Variants in MTO1 observed in about 807,000 individuals in gnomAD.
The protein encoded by MTO1 is 5-taurinomethyluridine-[tRNA] synthase subunit MTO1, mitochondrial.
MTO1 carries 46 observed loss-of-function variants against 71.6 expected under a neutral mutation model. The observed-to-expected ratio is 0.64, with a 90% CI of 0.51 to 0.82. The LOEUF (loss-of-function observed/expected upper bound fraction) is 0.82, where lower values mean the gene tolerates loss of function less well. MTO1 is among the 40% of genes least tolerant of loss of function. The pLI is 0.00. For missense variants in MTO1, 773 were observed against 867.5 expected, an observed-to-expected ratio of 0.89 and a Z score of 1.37; for synonymous variants, 297 against 312.1, an observed-to-expected ratio of 0.95 and a Z score of 0.51.
Position 73,492,371 on chromosome 6 carries a change from C to T in MTO1, c.1756+19C>T, listed in dbSNP as rs763838126. 1 of 1,468,790 alleles carries T rather than the reference C, an allele frequency of 6.8e-7. No homozygotes were observed. Among genetic ancestry groups the T allele is most frequent in the Admixed American group, 1.7e-5 (1 of 59,596 alleles). The allele number at this position is 1,468,790 out of a possible 1,614,324, so 91.0% of individuals were successfully genotyped here. A position where few individuals can be genotyped will look rare whatever the true frequency, so the allele number is the denominator to read the frequency against. On this transcript the variant is annotated intron_variant, in intron 10 of 11. Coordinates refer to ENST00000498286, the MANE Select transcript of MTO1 (RefSeq NM_012123.4). The stretch of plus-strand genomic sequence containing the variant: ...ATAGAAGGTAGAAAATAATTTTTGA[C>T]TTAACATACCTTTATCATATGTGCA...
intron 4 of MTO1, among the ~76,000 whole-genome samples, chr6:73,474,412 T>A (rs147729536): frequency 7.6e-4 from 115 of 152,278 alleles, no homozygotes; most frequent in African/African-American, 2.7e-3. Flanking sequence ...AGGGATTAGC[T>A]AACTTGGCTA....
chr6:73,486,634 A>G, intron 9 of MTO1: 1 of 429,390 alleles, frequency 2.3e-6, no homozygotes. Flanking sequence ...GCTACTTGGG[A>G]GGCAGAGGCA....
intron 9 of MTO1, chr6:73,492,023 AC>A (rs1201601959): frequency 1.5e-5 from 6 of 403,972 alleles, no homozygotes; most frequent in African/African-American, 4.1e-5. Context: ...AATTGCTTGA[AC>A]CCAGCAGGTG....
intron 9 of MTO1, among the ~76,000 whole-genome samples, chr6:73,491,408 AAAAAAG>A (rs1771800583): frequency 2.0e-5 from 3 of 151,832 alleles, no homozygotes; most frequent in African/African-American, 4.8e-5. Context: ...AAAAAAAAAA[AAAAAAG>A]AAGAAGAAGA....
intron 9 of MTO1, among the ~76,000 whole-genome samples, chr6:73,489,997 G>A (rs1771759812): frequency 6.6e-6 from 1 of 152,248 alleles, no homozygotes; most frequent in South Asian, 2.1e-4. Context: ...GGTGTGAGAT[G>A]GTATCTCATT....
At chr6:73,482,674 A>C (rs1561947482) in intron 9 of MTO1, 54 bp downstream of exon 9, 3 of 1,444,754 alleles carry the variant, frequency 2.1e-6, no homozygotes, top group Non-Finnish European at 2.8e-6. Context: ...ATAAGATCAT[A>C]AGATCATTTC....
chr6:73,462,259 A>G (rs1337213754), intron 1 of MTO1, 188 bp downstream of exon 1: 7 of 631,058 alleles, frequency 1.1e-5, no homozygotes, highest in Non-Finnish European at 1.9e-5. Flanking sequence ...ATATTAGTCT[A>G]TTCTGCGAAC....
chr6:73,479,303 T>C lies in MTO1; in HGVS notation c.826-429T>C, dbSNP rs1411330175. Among the ~76,000 whole-genome samples, 3 of 150,912 alleles carry C rather than the reference T, an allele frequency of 2.0e-5. No individual in the cohort carries two copies. The East Asian group carries it at 6.2e-4, about 31-fold the overall frequency. ...TGAGGTCAAGAGTTCGAGACCAGCCTGGCCAACATGGTGAAACTCTGTCTC... is the reference window on the plus strand; with the variant it reads ...TGAGGTCAAGAGTTCGAGACCAGCCCGGCCAACATGGTGAAACTCTGTCTC... On this transcript the variant is annotated intron_variant, in intron 4 of 11. Coordinates refer to ENST00000498286, the MANE Select transcript of MTO1 (RefSeq NM_012123.4).
In MTO1 at chr6:73,471,161, A is replaced by T. The variant is rs565825314; in HGVS notation, c.536-2204A>T. On this transcript the variant is annotated intron_variant, in intron 3 of 11. Transcript: ENST00000498286. ...ACACTGTTCCTCTGTACCTTTTTTT[A>T]AAAAAAAAACTTAATCTGTGTTTGC... Among the ~76,000 whole-genome samples, 93 of 147,394 alleles carry T rather than the reference A, an allele frequency of 6.3e-4. 3 individuals are homozygous for T. The South Asian group carries it at 0.012, about 18-fold the overall frequency.
At chr6:73,468,972 TTAAG>T (rs1771072691) in intron 3 of MTO1, among the ~76,000 whole-genome samples, 1 of 151,978 alleles carries the variant, frequency 6.6e-6, no homozygotes. Flanking sequence ...ACAACTTCCT[TTAAG>T]TATCTAGCGA....
chr6:73,491,662 A>T (rs1771810090), intron 9 of MTO1, among the ~76,000 whole-genome samples: 2 of 152,180 alleles, frequency 1.3e-5, no homozygotes, highest in African/African-American at 4.8e-5. Context: ...TTGTTATGAG[A>T]TGATATTCTA....
At chr6:73,476,790 A>ATT (rs879559677) in intron 4 of MTO1, among the ~76,000 whole-genome samples, 19 of 142,924 alleles carry the variant, frequency 1.3e-4, no homozygotes, top group African/African-American at 3.3e-4. Flanking sequence ...TAAAATTTAA[A>ATT]TTTTTTTTTT....
rs935181583 is a variant in MTO1, at chr6:73,480,810, GAAGTT to G, written c.1260+9_1260+13del. On this transcript the variant is annotated splice_donor_region_variant and intron_variant, in intron 7 of 11. Transcript: ENST00000498286. ...TATGAGGAAGCTGCAGCTCAAGTAA[GAAGTT>G]AAGATATTAATGTAAACTGAAAGGG... 7 of 1,613,524 alleles carry G rather than the reference GAAGTT, an allele frequency of 4.3e-6. No individual in the cohort carries two copies. Among genetic ancestry groups the G allele is most frequent in the African/African-American group, 1.3e-5 (1 of 74,876 alleles).
Position 73,479,674 on chromosome 6 carries a change from A to G in MTO1, c.826-58A>G, listed in dbSNP as rs542372204. On this transcript the variant is annotated intron_variant, in intron 4 of 11. Transcript: ENST00000498286. ...TACGTATCATGTGGAATTTATTTGGATAAGAGAGAAACTAGTAGATAAGCA... is the reference window on the plus strand; with the variant it reads ...TACGTATCATGTGGAATTTATTTGGGTAAGAGAGAAACTAGTAGATAAGCA... 24 of 1,367,964 alleles carry G rather than the reference A, an allele frequency of 1.8e-5. No individual in the cohort carries two copies. In the South Asian group the frequency reaches 2.9e-4, roughly 17 times the overall value. The allele number at this position is 1,367,964 out of a possible 1,614,324, so 84.7% of individuals were successfully genotyped here.
intron 3 of MTO1, chr6:73,471,605 TG>T (rs1170690031): frequency 9.9e-6 from 3 of 304,308 alleles, no homozygotes; most frequent in Non-Finnish European, 1.9e-5. Flanking sequence ...TTTGTAGAGA[TG>T]GGGGTCTCAC....
At chr6:73,462,286 G>A (rs941623349) in intron 1 of MTO1, 5 of 597,898 alleles carry the variant, frequency 8.4e-6, no homozygotes, top group Admixed American at 6.1e-5. Context: ...TTATGCTGCT[G>A]CTGACAGTCG....
At chr6:73,499,163 T>C (rs1772085006) in intron 11 of MTO1, among the ~76,000 whole-genome samples, 1 of 152,108 alleles carries the variant, frequency 6.6e-6, no homozygotes, top group Non-Finnish European at 1.5e-5. Flanking sequence ...AAACTATTTT[T>C]ACAGGGAGGA....
At chr6:73,478,641 C>T (rs1771400150) in intron 4 of MTO1, among the ~76,000 whole-genome samples, 2 of 152,064 alleles carry the variant, frequency 1.3e-5, no homozygotes, top group African/African-American at 2.4e-5. Flanking sequence ...TGGGTTCAAG[C>T]GATTCTCCTG....
intron 9 of MTO1, among the ~76,000 whole-genome samples, 169 bp downstream of exon 9, chr6:73,482,789 C>CTTTTTTTTTTTTTTTTT (rs35121302): frequency 1.1e-4 from 10 of 92,144 alleles, no homozygotes; most frequent in Admixed American, 1.5e-4. Context: ...TTTTTTCTTT[C>CTTTTTTTTTTTTTTTTT]TTTTTTTTTT....
Sources: gnomAD v4.1 joint callset for allele counts (sites outside exome capture counted in the v4.1 genomes callset) on GRCh38, gnomAD v4.1.1 for gene constraint, MANE v1.5 for transcripts, NCBI Gene and HGNC (gene_info 2026-07-23, HGNC 2026-07-21) for gene names.